Variants in CARMIL1 observed in about 807,000 individuals in gnomAD.
CARMIL1 encodes F-actin-uncapping protein LRRC16A.
CARMIL1 carries 90 observed loss-of-function variants against 177.1 expected under a neutral mutation model. That is an observed-to-expected ratio of 0.51 (90% confidence interval 0.43 to 0.61). The LOEUF is 0.61. Ranked by LOEUF, CARMIL1 falls within the 20% of genes least tolerant of loss-of-function variation. The pLI is 0.00. For missense variants in CARMIL1, 1,380 were observed against 1,667.0 expected, an observed-to-expected ratio of 0.83 and a Z score of 3.00; for synonymous variants, 577 against 606.2, an observed-to-expected ratio of 0.95 and a Z score of 0.71.
chr6:25,614,243 C>CT (rs1433518762), intron 36 of CARMIL1, among the ~76,000 whole-genome samples: 34 of 152,158 alleles, frequency 2.2e-4, no homozygotes, highest in African/African-American at 8.0e-4. Flanking sequence ...CGTATACTAG[C>CT]TAGGTGGCAG....
chr6:25,435,107 C>T (rs987923555), intron 4 of CARMIL1, among the ~76,000 whole-genome samples: 7 of 152,176 alleles, frequency 4.6e-5, no homozygotes, highest in Non-Finnish European at 1.0e-4. Flanking sequence ...TGTGGGAGTT[C>T]AGTCTCTATC....
chr6:25,310,678 A>G (rs78898642), intron 2 of CARMIL1, among the ~76,000 whole-genome samples: 2,117 of 152,292 alleles, frequency 0.014, 52 homozygotes, highest in African/African-American at 0.043. Flanking sequence ...TGGTTCCACT[A>G]GAAGATTGGA....
chr6:25,526,989 C>G (rs1313321040), intron 23 of CARMIL1, among the ~76,000 whole-genome samples: 2 of 152,186 alleles, frequency 1.3e-5, no homozygotes, highest in Non-Finnish European at 2.9e-5. Flanking sequence ...ATTCAATACT[C>G]AATCTTAAAA....
At chr6:25,445,638 C>T (rs1456975742) in intron 5 of CARMIL1, among the ~76,000 whole-genome samples, 5 of 151,498 alleles carry the variant, frequency 3.3e-5, no homozygotes, top group Admixed American at 3.3e-4. Context: ...AGGTTCATGC[C>T]ATTCTCCTGT....
rs201136338 is a variant in CARMIL1 at position 25,510,781 on chromosome 6, T to G, written c.1632+19T>G. The G allele has an allele frequency of 3.6e-6, 4 of 1,100,732 alleles. No individual in the cohort carries two copies. In the South Asian group the frequency reaches 6.1e-5, roughly 17 times the overall value. The allele number at this position is 1,100,732 out of a possible 1,614,324, so 68.2% of individuals were successfully genotyped here. Reference sequence around the variant, plus strand: ...AGAATCAGTGAGTATTATGTTAAACTTTTTACTAAAATCTTCTGTTTGTTG... The same window carrying G: ...AGAATCAGTGAGTATTATGTTAAACGTTTTACTAAAATCTTCTGTTTGTTG... On this transcript the variant is annotated intron_variant, in intron 20 of 36. Transcript: ENST00000329474.
chr6:25,322,251 T>A (rs1055683947), intron 2 of CARMIL1, among the ~76,000 whole-genome samples: 3 of 152,178 alleles, frequency 2.0e-5, no homozygotes, highest in Non-Finnish European at 4.4e-5. Context: ...GCGTTCTGAT[T>A]AGCTGGGATT....
chr6:25,465,782 C>A, intron 8 of CARMIL1, 91 bp from the exon 9 acceptor site: 1 of 773,664 alleles, frequency 1.3e-6, no homozygotes, highest in Admixed American at 2.0e-5. Context: ...TAGAAATTAA[C>A]AGGTGAACTT....
At chr6:25,298,339 A>C (rs2150164374) in intron 2 of CARMIL1, among the ~76,000 whole-genome samples, 1 of 152,336 alleles carries the variant, frequency 6.6e-6, no homozygotes, top group African/African-American at 2.4e-5. Flanking sequence ...TGTACAAGGT[A>C]CATGTTGTTA....
chr6:25,549,492 T>G (rs1015876591), intron 26 of CARMIL1, among the ~76,000 whole-genome samples: 1 of 152,146 alleles, frequency 6.6e-6, no homozygotes, highest in Non-Finnish European at 1.5e-5. Context: ...TCTTGAAAAA[T>G]ATACTAATTC....
intron 2 of CARMIL1, among the ~76,000 whole-genome samples, chr6:25,338,861 G>A (rs1786572274): frequency 6.6e-6 from 1 of 152,168 alleles, no homozygotes; most frequent in South Asian, 2.1e-4. Context: ...AAAATGAAAA[G>A]AACCAGCACA....
intron 1 of CARMIL1, among the ~76,000 whole-genome samples, chr6:25,281,136 G>GCGCACACACACACA (rs10642536): frequency 1.5e-4 from 20 of 132,188 alleles, no homozygotes; most frequent in South Asian, 1.1e-3. Context: ...GTGCGCGCGC[G>GCGCACACACACACA]CACACACACA....
chr6:25,562,934 C>T (rs1268108154), intron 29 of CARMIL1, among the ~76,000 whole-genome samples: 2 of 152,180 alleles, frequency 1.3e-5, no homozygotes, highest in African/African-American at 4.8e-5. Context: ...ATTTTGTAAT[C>T]ATAAACTAAA....
intron 36 of CARMIL1, among the ~76,000 whole-genome samples, chr6:25,618,514 C>T (rs1759472384): frequency 6.6e-6 from 1 of 152,190 alleles, no homozygotes; most frequent in Non-Finnish European, 1.5e-5. Flanking sequence ...AGTACAGCAT[C>T]CGAACCTTTT....
intron 2 of CARMIL1, among the ~76,000 whole-genome samples, chr6:25,295,531 T>C (rs1167130925): frequency 6.6e-6 from 1 of 152,210 alleles, no homozygotes; most frequent in Non-Finnish European, 1.5e-5. Context: ...ACCTGATTGT[T>C]ATTTAGGAAG....
intron 12 of CARMIL1, among the ~76,000 whole-genome samples, chr6:25,485,308 C>A (rs1439996954): frequency 6.6e-6 from 1 of 152,132 alleles, no homozygotes; most frequent in Non-Finnish European, 1.5e-5. Context: ...GTACCCTTTA[C>A]AAATAAGGGT....
At chr6:25,562,270 C>T (rs946002822) in intron 29 of CARMIL1, among the ~76,000 whole-genome samples, 2 of 149,696 alleles carry the variant, frequency 1.3e-5, no homozygotes, top group Non-Finnish European at 3.0e-5. Context: ...TTCTTTGAGA[C>T]GGAGTCTTGC....
chr6:25,370,591 T>C (rs959397233), intron 2 of CARMIL1, among the ~76,000 whole-genome samples: 1 of 152,190 alleles, frequency 6.6e-6, no homozygotes, highest in African/African-American at 2.4e-5. Context: ...GACGGAGTCA[T>C]ACAGCCCCTG....
At chr6:25,496,365 C>G (rs1803702504) in intron 16 of CARMIL1, among the ~76,000 whole-genome samples, 1 of 151,270 alleles carries the variant, frequency 6.6e-6, no homozygotes, top group South Asian at 2.1e-4. Flanking sequence ...GTAGTCCCAG[C>G]TACTCAGGAG....
At position 25,489,096 on chromosome 6, in the gene CARMIL1, C is replaced by T. The variant is rs544220620; in HGVS notation, c.1065+511C>T. 9.2e-5 allele frequency among the ~76,000 whole-genome samples: 14 copies of T among 152,114 alleles called. No individual in the cohort carries two copies. In the East Asian group the frequency reaches 1.7e-3, roughly 19 times the overall value. On this transcript the variant is annotated intron_variant, in intron 13 of 36. Coordinates refer to ENST00000329474, the MANE Select transcript of CARMIL1 (RefSeq NM_017640.6). The stretch of plus-strand genomic sequence containing the variant: ...AGGAGAAGTGCTTGAACCCTGGAGG[C>T]GGAGGTTGTGGTGAGCCGAGATTAC...
Sources: allele counts gnomAD v4.1 joint callset (sites outside exome capture counted in the v4.1 genomes callset), GRCh38; gene constraint gnomAD v4.1.1; transcripts MANE v1.5; gene names NCBI Gene and HGNC (gene_info 2026-07-23, HGNC 2026-07-21).